The following SLC25A21 variants were observed in gnomAD, a reference collection of about 807,000 sequenced individuals.
SLC25A21 encodes mitochondrial 2-oxodicarboxylate carrier.
SLC25A21 carries 47 observed loss-of-function variants against 43.8 expected under a neutral mutation model. That is an observed-to-expected ratio of 1.07 (90% CI 0.85 to 1.37). SLC25A21 has a LOEUF of 1.37. Ranked by LOEUF, SLC25A21 falls within the 40% of genes most tolerant of loss-of-function variation. SLC25A21 has a pLI of 0.00. For synonymous variants in SLC25A21, 131 were observed against 121.3 expected (o/e 1.08, Z -0.52); for missense variants, 352 against 350.2 (o/e 1.00, Z -0.04).
chr14:37,170,736 G>T (rs930370184), intron 1 of SLC25A21, among the ~76,000 whole-genome samples: 11 of 151,442 alleles, frequency 7.3e-5, no homozygotes, highest in African/African-American at 2.7e-4. Context: ...AGACCAGCCT[G>T]GACAACATGG....
At chr14:37,144,386 T>C (rs935039151) in intron 1 of SLC25A21, among the ~76,000 whole-genome samples, 4 of 152,234 alleles carry the variant, frequency 2.6e-5, no homozygotes, top group African/African-American at 9.6e-5. Flanking sequence ...TACACACATA[T>C]ACATTCTCTT....
intron 3 of SLC25A21, among the ~76,000 whole-genome samples, chr14:36,778,328 C>T (rs1886912958): frequency 6.6e-6 from 1 of 152,212 alleles, no homozygotes; most frequent in Admixed American, 6.5e-5. Flanking sequence ...GCTTCAGCTT[C>T]CTCCTCTATG....
At chr14:36,832,870 T>A (rs895769966) in intron 2 of SLC25A21, among the ~76,000 whole-genome samples, 4 of 152,206 alleles carry the variant, frequency 2.6e-5, no homozygotes, top group Non-Finnish European at 1.5e-5. Context: ...TCCACCCTTT[T>A]TTGTGATTAA....
chr14:37,038,380 C>T (rs10047908), intron 1 of SLC25A21, among the ~76,000 whole-genome samples: 71,342 of 151,992 alleles, frequency 0.47, 19,144 homozygotes, highest in African/African-American at 0.75. Context: ...TCTCCTTCAG[C>T]ATTTCTGAAA....
intron 1 of SLC25A21, among the ~76,000 whole-genome samples, chr14:37,034,850 T>G (rs1961294299): frequency 6.6e-6 from 1 of 152,178 alleles, no homozygotes. Flanking sequence ...GAGCTCCCCA[T>G]GAGGAAGAGC....
At chr14:36,709,483 A>G (rs2139185409) in intron 7 of SLC25A21, among the ~76,000 whole-genome samples, 1 of 152,342 alleles carries the variant, frequency 6.6e-6, no homozygotes, top group South Asian at 2.1e-4. Flanking sequence ...TATCTTGACA[A>G]GAGAAGAGCT....
chr14:36,762,960 T>C (rs1010711688), intron 3 of SLC25A21, among the ~76,000 whole-genome samples: 3 of 152,224 alleles, frequency 2.0e-5, no homozygotes, highest in Admixed American at 6.5e-5. Flanking sequence ...CTAAATTATA[T>C]AGACCCTGGT....
chr14:36,834,867 A>G (rs993768659), intron 2 of SLC25A21, among the ~76,000 whole-genome samples: 7 of 152,248 alleles, frequency 4.6e-5, no homozygotes, highest in African/African-American at 1.7e-4. Flanking sequence ...TAGGTAAAGA[A>G]TAGCATAAAC....
At chr14:36,828,871 A>G (rs1479208583) in intron 2 of SLC25A21, 1 of 152,292 alleles carries the variant, frequency 6.6e-6, no homozygotes, top group East Asian at 1.9e-4. Flanking sequence ...ATCTTTCATC[A>G]GCTCTTCCAG....
intron 3 of SLC25A21, among the ~76,000 whole-genome samples, chr14:36,809,374 C>A (rs148695892): frequency 6.6e-6 from 1 of 152,104 alleles, no homozygotes; most frequent in Non-Finnish European, 1.5e-5. Context: ...TATGAGGATT[C>A]CATATAATAG....
At chr14:36,960,097 TTTTG>T (rs1959452346) in intron 1 of SLC25A21, among the ~76,000 whole-genome samples, 1 of 152,218 alleles carries the variant, frequency 6.6e-6, no homozygotes, top group Non-Finnish European at 1.5e-5. Flanking sequence ...GGATGTATCT[TTTTG>T]TTTTTTAGTT....
chr14:36,904,905 C>T (rs1891494297), intron 1 of SLC25A21, among the ~76,000 whole-genome samples: 1 of 152,088 alleles, frequency 6.6e-6, no homozygotes, highest in Non-Finnish European at 1.5e-5. Context: ...TCATATCACT[C>T]GTGTTATGAA....
At position 37,044,930 on chromosome 14, in the gene SLC25A21, A is replaced by T. The variant is rs76922192; in HGVS notation, c.70+127351T>A. On this transcript the variant is annotated intron_variant, in intron 1 of 9. Transcript: ENST00000331299. ...GTCTCCCCAACATTATTCCAACTGA[A>T]GAAATCTTTTCTCTTTTCAAAATAT... Among the ~76,000 whole-genome samples, 2,485 of 152,318 alleles carry T rather than the reference A, an allele frequency of 0.016. 198 individuals carry two copies. In the East Asian group the frequency reaches 0.26, roughly 16 times the overall value.
intron 7 of SLC25A21, among the ~76,000 whole-genome samples, chr14:36,691,253 C>T (rs1342184954): frequency 2.0e-5 from 3 of 152,168 alleles, no homozygotes; most frequent in Admixed American, 6.5e-5. Context: ...AAGGAGATCA[C>T]CTCTTAGGCC....
intron 2 of SLC25A21, among the ~76,000 whole-genome samples, chr14:36,871,380 G>T (rs957345578): frequency 2.0e-5 from 3 of 152,160 alleles, no homozygotes; most frequent in Non-Finnish European, 4.4e-5. Context: ...CTCCAGTATG[G>T]TGAGAAATAA....
chr14:36,931,480 G>A (rs1053717463), intron 1 of SLC25A21, among the ~76,000 whole-genome samples: 2 of 152,148 alleles, frequency 1.3e-5, no homozygotes, highest in African/African-American at 2.4e-5. Flanking sequence ...TTGCTTTAGA[G>A]TGTAAAGAGA....
intron 1 of SLC25A21, among the ~76,000 whole-genome samples, chr14:37,030,226 C>CT (rs1961182257): frequency 6.6e-6 from 1 of 152,050 alleles, no homozygotes; most frequent in Non-Finnish European, 1.5e-5. Context: ...TCATAAAGGT[C>CT]TTTATCTTCA....
At chr14:37,007,371 G>T (rs1270585511) in intron 1 of SLC25A21, among the ~76,000 whole-genome samples, 1 of 152,190 alleles carries the variant, frequency 6.6e-6, no homozygotes, top group Non-Finnish European at 1.5e-5. Flanking sequence ...GGGAGGCTGA[G>T]GCAGTCAGAT....
intron 3 of SLC25A21, among the ~76,000 whole-genome samples, chr14:36,787,227 A>G (rs1473342024): frequency 1.3e-5 from 2 of 152,234 alleles, no homozygotes; most frequent in East Asian, 3.9e-4. Flanking sequence ...TAGAGTCGGT[A>G]AAATGGCTCT....
Sources: allele counts gnomAD v4.1 joint callset (sites outside exome capture counted in the v4.1 genomes callset), GRCh38; gene constraint gnomAD v4.1.1; transcripts MANE v1.5; gene names NCBI Gene and HGNC (gene_info 2026-07-23, HGNC 2026-07-21).